TICRR: variants seen among roughly 807,000 people sequenced by gnomAD.
TICRR encodes the protein treslin.
TICRR carries 132 observed loss-of-function variants against 178.1 expected under a neutral mutation model. The observed-to-expected ratio is 0.74, with a 90% CI of 0.64 to 0.86. The LOEUF is 0.86. TICRR is among the 40% of genes least tolerant of loss of function. The probability of loss-of-function intolerance (pLI) is 0.00; values close to 1 mark genes in which losing one functional copy is unlikely to be tolerated. For synonymous variants in TICRR, 991 were observed against 900.7 expected (o/e 1.10, Z -1.79); for missense variants, 2,587 against 2,334.3 (o/e 1.11, Z -2.23).
In TICRR at chr15:89,581,633, C is replaced by T. The variant is rs571901045; in HGVS notation, c.655-1053C>T. Among the ~76,000 whole-genome samples the T allele has an allele frequency of 3.9e-5, 6 of 152,186 alleles. No individual in the cohort carries two copies. The South Asian group carries it at 1.2e-3, about 32-fold the overall frequency. ...GGAAATAGCAAATGGTTCAATATGCCTAGAAGGAGTGGGGGTGGATGAGGG... is the reference window on the plus strand; with the variant it reads ...GGAAATAGCAAATGGTTCAATATGCTTAGAAGGAGTGGGGGTGGATGAGGG... On this transcript the variant is annotated intron_variant, in intron 1 of 21. Coordinates refer to ENST00000268138, the MANE Select transcript of TICRR (RefSeq NM_152259.4).
intron 1 of TICRR, among the ~76,000 whole-genome samples, chr15:89,576,995 G>A (rs1596036405): frequency 6.6e-6 from 1 of 151,822 alleles, no homozygotes; most frequent in Non-Finnish European, 1.5e-5. Flanking sequence ...CCGGGTTCAA[G>A]CGATTCTCAT....
At chr15:89,623,569 C>G in intron 19 of TICRR, 54 bp from the exon 20 acceptor site, 2 of 1,522,690 alleles carry the variant, frequency 1.3e-6, no homozygotes, top group African/African-American at 1.4e-5. Context: ...TAAAACACTT[C>G]AGAGATCATG....
chr15:89,618,998 G>T (rs979898278), intron 17 of TICRR, among the ~76,000 whole-genome samples: 11 of 144,902 alleles, frequency 7.6e-5, no homozygotes, highest in African/African-American at 2.8e-4. Context: ...TGAAGGAGGG[G>T]TTTTAAAAAA....
chr15:89,581,609 G>A (rs1357570162), intron 1 of TICRR, among the ~76,000 whole-genome samples: 1 of 152,190 alleles, frequency 6.6e-6, no homozygotes, highest in Admixed American at 6.5e-5. Flanking sequence ...GCATGTTCAG[G>A]AAATAGCAAA....
intron 5 of TICRR, among the ~76,000 whole-genome samples, chr15:89,592,511 C>G (rs1005071397): frequency 2.6e-5 from 4 of 151,948 alleles, no homozygotes; most frequent in Admixed American, 2.0e-4. Context: ...AATAATGCAG[C>G]TGAATTTATA....
At chr15:89,601,128 G>A (rs1453514176) in intron 9 of TICRR, among the ~76,000 whole-genome samples, 170 bp from the exon 10 acceptor site, 18 of 149,406 alleles carry the variant, frequency 1.2e-4, no homozygotes, top group Non-Finnish European at 1.5e-5. Context: ...GTTATAATAT[G>A]CAGCTTGAAT....
At chr15:89,613,321 C>T (rs1338618244) in intron 15 of TICRR, among the ~76,000 whole-genome samples, 4 of 152,314 alleles carry the variant, frequency 2.6e-5, no homozygotes, top group Non-Finnish European at 5.9e-5. Flanking sequence ...GATCTGTACA[C>T]GATGAATAGC....
intron 19 of TICRR, among the ~76,000 whole-genome samples, chr15:89,623,017 G>A (rs1218498947): frequency 6.6e-6 from 1 of 152,262 alleles, no homozygotes; most frequent in African/African-American, 2.4e-5. Flanking sequence ...ACGGGATGAA[G>A]GAAGGCTGTA....
chr15:89,616,380 G>T, intron 15 of TICRR, 25 bp from the exon 16 acceptor site: 1 of 1,603,464 alleles, frequency 6.2e-7, no homozygotes, highest in South Asian at 1.1e-5. Context: ...TGAAATTTAT[G>T]ATTTAAGCTG....
chr15:89,592,244 C>A, intron 5 of TICRR, 68 bp downstream of exon 5: 1 of 1,388,850 alleles, frequency 7.2e-7, no homozygotes, highest in Non-Finnish European at 1.0e-6. Flanking sequence ...GCATTTTTTT[C>A]TTAACAGACC....
At position 89,606,819 on chromosome 15, in the gene TICRR, G is replaced by T. The variant is rs752514104; in HGVS notation, c.2716G>T (p.Val906Leu). 7 of 1,613,422 alleles carry T rather than the reference G, an allele frequency of 4.3e-6. No individual in the cohort carries two copies. In the Admixed American group the frequency reaches 8.3e-5, roughly 19 times the overall value. Reference protein sequence around the residue: ...QQPSQPVKDTVQEVTKVRRNL... With the variant: ...QQPSQPVKDTLQEVTKVRRNL... ...GCCTTCCCAGCCAGTGAAAGATACA[G>T]TGCAAGGTATACTGTTTTCTCAGTG... Residue 906 changes from valine (V) to leucine (L), a missense_variant, in exon 14 of 22, where the codon GTG (valine) becomes TTG (leucine). Val to Leu is a conservative substitution (Grantham distance 32). Transcript: ENST00000268138.
chr15:89,592,251 G>T (rs1962925951), intron 5 of TICRR, 75 bp downstream of exon 5: 1 of 1,325,112 alleles, frequency 7.5e-7, no homozygotes, highest in Admixed American at 1.8e-5. Context: ...TTTCTTAACA[G>T]ACCACATTCT....
At chr15:89,597,110 A>C (rs765080966) in intron 7 of TICRR, among the ~76,000 whole-genome samples, 3 of 152,196 alleles carry the variant, frequency 2.0e-5, no homozygotes, top group Non-Finnish European at 2.9e-5. Context: ...GTGTCTGTAC[A>C]TCAAGTTTAT....
chr15:89,616,478 C>T lies in TICRR; in HGVS notation c.2943C>T (p.His981=). ...AGCAGATCTCCAAAAGGCTGCTGCACAGACAAATCAAGGGCAGGTGAGTGA... is the reference window on the plus strand; with the variant it reads ...AGCAGATCTCCAAAAGGCTGCTGCATAGACAAATCAAGGGCAGGTGAGTGA... The part of the protein sequence containing the change: ...VHKQISKRLL[H]RQIKGRSSDP... Residue 981 remains histidine (H), a synonymous_variant, in exon 16 of 22, where the codon CAC becomes CAT. Transcript: ENST00000268138. The T allele has an allele frequency of 6.2e-7, 1 of 1,613,950 alleles. No homozygotes were observed. Among genetic ancestry groups the T allele is most frequent in the South Asian group, 1.1e-5 (1 of 91,060 alleles).
At chr15:89,606,179 C>T (rs1490443347) in intron 13 of TICRR, among the ~76,000 whole-genome samples, 3 of 152,144 alleles carry the variant, frequency 2.0e-5, no homozygotes, top group Non-Finnish European at 4.4e-5. Flanking sequence ...CCGTTATATA[C>T]ATATATATAA....
Position 89,625,249 on chromosome 15 carries a change from TGTACCCCCACCCACGGCCCTTCTA to T in TICRR, c.4948_4971del (p.Thr1650_Pro1657del), listed in dbSNP as rs779704341. On this transcript the variant is annotated inframe_deletion, in exon 20 of 22. Transcript: ENST00000268138. ...GGGGCAAACCTACATCTGCCAGGCC[TGTACCCCCACCCACGGCCCTTCTA>T]GTACCCCCTCTCCATTTCAAACAGA... 6.8e-5 allele frequency: 110 copies of T among 1,613,380 alleles called. No homozygotes were observed. The highest frequency in any genetic ancestry group is 8.6e-5 in the Non-Finnish European group (102 of 1,179,586).
Position 89,625,345 on chromosome 15 carries a change from C to T in TICRR, c.5035C>T (p.Pro1679Ser). ...CCCCAAGCACAGTGGGAAGACAACT[C>T]CAGACATAATTAAAGACTGGCCCAG... ...PSPKHSGKTT[P>S]DIIKDWPRRK... The change falls in exon 20 of 22, where the codon CCA (proline) becomes TCA (serine). Residue 1679 changes from proline (P) to serine (S), a missense_variant. Physicochemically the swap from Pro to Ser is moderately conservative, Grantham distance 74. Coordinates refer to ENST00000268138, the MANE Select transcript of TICRR (RefSeq NM_152259.4). 6.2e-7 allele frequency: 1 copy of T among 1,614,074 alleles called. No individual in the cohort carries two copies. The highest frequency in any genetic ancestry group is 8.5e-7 in the Non-Finnish European group (1 of 1,180,020).
intron 4 of TICRR, among the ~76,000 whole-genome samples, chr15:89,586,687 G>T (rs1343528833): frequency 6.6e-6 from 1 of 152,168 alleles, no homozygotes; most frequent in Non-Finnish European, 1.5e-5. Context: ...TTGAGCAAAG[G>T]CATGAAGGAA....
At chr15:89,602,023 T>A (rs369891696) in intron 12 of TICRR, 47 bp downstream of exon 12, 3 of 1,599,874 alleles carry the variant, frequency 1.9e-6, no homozygotes, top group Non-Finnish European at 2.6e-6. Flanking sequence ...GTTATAGTTC[T>A]GATAAAAGAT....
Sources: allele counts gnomAD v4.1 joint callset (sites outside exome capture counted in the v4.1 genomes callset), GRCh38; gene constraint gnomAD v4.1.1; transcripts MANE v1.5; gene names NCBI Gene and HGNC (gene_info 2026-07-23, HGNC 2026-07-21).